SLC9A9: variants seen among roughly 807,000 people sequenced by gnomAD.
SLC9A9 encodes solute carrier family 9 member A9, also known as sodium/hydrogen exchanger 9.
SLC9A9 carries 62 observed loss-of-function variants against 77.8 expected under a neutral mutation model. The ratio of observed to expected loss-of-function variants is 0.80; its 90% CI spans 0.65 to 0.98. The LOEUF is 0.98. Among genes scored for constraint, SLC9A9 ranks in the 50% least tolerant of loss-of-function variants. The pLI, the probability that SLC9A9 is intolerant of heterozygous loss-of-function variation, is 0.00. For missense variants in SLC9A9, 775 were observed against 774.9 expected (o/e 1.00, Z 0.00); for synonymous variants, 320 against 283.5 (o/e 1.13, Z -1.29).
intron 12 of SLC9A9, among the ~76,000 whole-genome samples, chr3:143,430,667 C>G (rs754587832): frequency 3.3e-5 from 5 of 152,302 alleles, no homozygotes; most frequent in Admixed American, 6.5e-5. Flanking sequence ...GGGGAAGCAT[C>G]ATCTTCACTC....
At chr3:143,339,939 A>G (rs2032046779) in intron 14 of SLC9A9, among the ~76,000 whole-genome samples, 1 of 152,232 alleles carries the variant, frequency 6.6e-6, no homozygotes, top group Admixed American at 6.5e-5. Flanking sequence ...TCCAAAAGGT[A>G]TTAACTGACA....
At chr3:143,836,541 A>G (rs956607558) in intron 1 of SLC9A9, among the ~76,000 whole-genome samples, 1 of 152,234 alleles carries the variant, frequency 6.6e-6, no homozygotes, top group Non-Finnish European at 1.5e-5. Flanking sequence ...CAGAGTGTTC[A>G]ACATAACTCT....
rs746791701 is a variant in SLC9A9, at chr3:143,266,076, G to A, written c.*626C>T. 57 of 702,306 alleles carry A rather than the reference G, an allele frequency of 8.1e-5. No individual in the cohort carries two copies. The highest frequency in any genetic ancestry group is 1.2e-4 in the African/African-American group (7 of 57,250). The allele number at this position is 702,306 out of a possible 1,614,324, so 43.5% of individuals were successfully genotyped here. ...CCAGCCATAGGCAACCCCTTTGAGC[G>A]ATGGGAGAAGTAGCATAAGAAGGAT... On this transcript the variant is annotated 3_prime_UTR_variant, in exon 16 of 16. Coordinates refer to ENST00000316549, the MANE Select transcript of SLC9A9 (RefSeq NM_173653.4).
In SLC9A9 at chr3:143,714,879, T is replaced by C. The variant is rs151332618; in HGVS notation, c.534-21572A>G. ...ACCCAAATCTCATCTTGAATTCCCA[T>C]GTGTTGTGGGAGGGACCCGGTGGGA... On this transcript the variant is annotated intron_variant, in intron 4 of 15. Transcript: ENST00000316549. 2.3e-4 allele frequency among the ~76,000 whole-genome samples: 35 copies of C among 152,270 alleles called. 1 individual carries two copies. In the East Asian group the frequency reaches 5.2e-3, roughly 23 times the overall value.
chr3:143,344,982 T>C (rs748571008), intron 14 of SLC9A9, among the ~76,000 whole-genome samples: 6 of 152,204 alleles, frequency 3.9e-5, no homozygotes, highest in Non-Finnish European at 8.8e-5. Flanking sequence ...TAAAAGATGA[T>C]TTCCATAATA....
intron 4 of SLC9A9, among the ~76,000 whole-genome samples, chr3:143,719,916 C>T (rs1004279733): frequency 6.6e-6 from 1 of 152,080 alleles, no homozygotes; most frequent in African/African-American, 2.4e-5. Context: ...CTTACAGCTT[C>T]CTCCTGGAAA....
At chr3:143,687,097 T>G (rs551488727) in intron 5 of SLC9A9, among the ~76,000 whole-genome samples, 2 of 152,098 alleles carry the variant, frequency 1.3e-5, no homozygotes, top group South Asian at 4.1e-4. Flanking sequence ...AAGGAGGAGA[T>G]AAAATGAATC....
chr3:143,296,806 T>C (rs1007872181), intron 14 of SLC9A9, among the ~76,000 whole-genome samples: 1 of 152,228 alleles, frequency 6.6e-6, no homozygotes, highest in Non-Finnish European at 1.5e-5. Context: ...ATTTTTTTTA[T>C]ATACCTGTTG....
chr3:143,775,503 AAC>A (rs2007660066), intron 4 of SLC9A9, among the ~76,000 whole-genome samples: 1 of 152,226 alleles, frequency 6.6e-6, no homozygotes, highest in African/African-American at 2.4e-5. Flanking sequence ...CATGAGAAAC[AAC>A]AGTCTTACTG....
chr3:143,535,293 A>G (rs1040850401), intron 9 of SLC9A9, among the ~76,000 whole-genome samples: 1 of 152,196 alleles, frequency 6.6e-6, no homozygotes, highest in Admixed American at 6.5e-5. Context: ...TGAAAGTTGG[A>G]ATATTTTCTA....
intron 2 of SLC9A9, among the ~76,000 whole-genome samples, chr3:143,799,356 C>A (rs892180631): frequency 1.3e-5 from 2 of 152,204 alleles, no homozygotes; most frequent in African/African-American, 2.4e-5. Context: ...TCACACCCCA[C>A]AACAGGACTT....
rs2009866623 is a variant in SLC9A9 at position 143,848,068 on chromosome 3, G to A, written c.175+80C>T. The A allele has an allele frequency of 3.8e-6, 5 of 1,311,538 alleles. No homozygotes were observed. The East Asian group carries it at 9.2e-5, about 24-fold the overall frequency. 81.2% of individuals were successfully genotyped at this position (1,311,538 alleles called of 1,614,324 possible). A position where few individuals can be genotyped will look rare whatever the true frequency, so the allele number is the denominator to read the frequency against. On this transcript the variant is annotated intron_variant, in intron 1 of 15. Coordinates refer to ENST00000316549, the MANE Select transcript of SLC9A9 (RefSeq NM_173653.4). The stretch of plus-strand genomic sequence containing the variant: ...AATCAGCACATTTTCTCCAGTTTCG[G>A]TACTTTGCTATCTGAGCACAAGTCT...
intron 13 of SLC9A9, among the ~76,000 whole-genome samples, chr3:143,364,883 T>A (rs945722731): frequency 6.6e-6 from 1 of 152,192 alleles, no homozygotes; most frequent in Non-Finnish European, 1.5e-5. Context: ...CCCTAGAGAA[T>A]CACTGTTCAT....
At chr3:143,801,549 T>C (rs1488001106) in intron 2 of SLC9A9, among the ~76,000 whole-genome samples, 1 of 152,162 alleles carries the variant, frequency 6.6e-6, no homozygotes, top group African/African-American at 2.4e-5. Flanking sequence ...ATACCACACC[T>C]GACCCCCATG....
chr3:143,354,127 C>T (rs565365262), intron 14 of SLC9A9, among the ~76,000 whole-genome samples: 62 of 152,308 alleles, frequency 4.1e-4, no homozygotes, highest in Middle Eastern at 3.4e-3. Flanking sequence ...CAGGCTCTCT[C>T]GCATCTATTC....
chr3:143,820,650 G>A (rs2009141978), intron 2 of SLC9A9, among the ~76,000 whole-genome samples: 1 of 152,130 alleles, frequency 6.6e-6, no homozygotes, highest in Non-Finnish European at 1.5e-5. Context: ...CATGATACCA[G>A]CAGGAGAAGA....
intron 13 of SLC9A9, among the ~76,000 whole-genome samples, chr3:143,364,377 G>A (rs866419601): frequency 1.3e-5 from 2 of 152,090 alleles, no homozygotes; most frequent in South Asian, 2.1e-4. Flanking sequence ...ATCATTAAAA[G>A]CATTTATATC....
At chr3:143,725,950 C>T (rs527670787) in intron 4 of SLC9A9, among the ~76,000 whole-genome samples, 2 of 151,802 alleles carry the variant, frequency 1.3e-5, no homozygotes, top group South Asian at 4.2e-4. Context: ...TAATTTTATT[C>T]AAGTTATATA....
At chr3:143,547,821 T>A (rs978175921) in intron 9 of SLC9A9, among the ~76,000 whole-genome samples, 13 of 152,256 alleles carry the variant, frequency 8.5e-5, no homozygotes, top group Admixed American at 4.6e-4. Context: ...CCCTGCTTTA[T>A]TATTGGCCTT....
Sources: gnomAD v4.1 joint callset for allele counts (sites outside exome capture counted in the v4.1 genomes callset) on GRCh38, gnomAD v4.1.1 for gene constraint, MANE v1.5 for transcripts, NCBI Gene and HGNC (gene_info 2026-07-23, HGNC 2026-07-21) for gene names.